The following NAV1 variants were observed in gnomAD, a reference collection of about 807,000 sequenced individuals.
NAV1 encodes pore membrane and/or filament interacting like protein 3.
NAV1 carries 18 observed loss-of-function variants against 175.2 expected under a neutral mutation model. The observed-to-expected ratio is 0.10, with a 90% CI of 0.07 to 0.15. The LOEUF is 0.15. Ranked by LOEUF, NAV1 falls within the 10% of genes least tolerant of loss-of-function variation. The pLI is 1.00. For missense variants in NAV1, 1,731 were observed against 2,436.6 expected, an observed-to-expected ratio of 0.71 and a Z score of 6.10; for synonymous variants, 897 against 978.7, an observed-to-expected ratio of 0.92 and a Z score of 1.56.
At chr1:201,604,724 G>GAGAA (rs371637628) in intron 2 of NAV1, among the ~76,000 whole-genome samples, 3,886 of 144,158 alleles carry the variant, frequency 0.027, 93 homozygotes, top group African/African-American at 0.056. Context: ...AGGAAAGAAA[G>GAGAA]AGAAAGAAAG....
intron 3 of NAV1, among the ~76,000 whole-genome samples, chr1:201,745,625 C>T (rs1357003735): frequency 6.6e-6 from 1 of 152,144 alleles, no homozygotes. Flanking sequence ...AGTGCCTGTC[C>T]TAAGTCAGTC....
chr1:201,778,953 A>G (rs374074893), intron 3 of NAV1, among the ~76,000 whole-genome samples: 20 of 152,300 alleles, frequency 1.3e-4, no homozygotes, highest in African/African-American at 4.3e-4. Context: ...AAACAAACCT[A>G]CTCTGCACAC....
In NAV1 at chr1:201,708,440, G is replaced by GCACACA. The variant is rs3053753; in HGVS notation, c.758-4358_758-4353dup. Among the ~76,000 whole-genome samples, 973 of 148,270 alleles carry GCACACA rather than the reference G, an allele frequency of 6.6e-3. 6 individuals are homozygous for GCACACA. The highest frequency in any genetic ancestry group is 0.011 in the Admixed American group (161 of 14,870). ...TTCCCCCCTCAAACCCTACTTGCGC[G>GCACACA]CACACACACACACACACACACACAT... On this transcript the variant is annotated intron_variant, in intron 1 of 29. Coordinates refer to ENST00000367296, the Ensembl canonical transcript of NAV1.
intron 2 of NAV1, among the ~76,000 whole-genome samples, chr1:201,602,245 C>G (rs759368853): frequency 1.1e-4 from 17 of 152,164 alleles, no homozygotes; most frequent in Admixed American, 1.3e-4. Context: ...TGTTTCTTCC[C>G]AGGGCAGGAG....
At chr1:201,639,064 T>A (rs1668680823) in intron 2 of NAV1, among the ~76,000 whole-genome samples, 1 of 152,154 alleles carries the variant, frequency 6.6e-6, no homozygotes. Flanking sequence ...GCTCTGAAGC[T>A]GGGCCTTGAG....
intron 2 of NAV1, among the ~76,000 whole-genome samples, chr1:201,601,767 C>A (rs181021638): frequency 6.6e-6 from 1 of 152,296 alleles, no homozygotes; most frequent in Non-Finnish European, 1.5e-5. Context: ...TTAAAAGCCA[C>A]CCAGTCTGCA....
At chr1:201,662,020 C>T (rs1669631008) in intron 1 of NAV1, among the ~76,000 whole-genome samples, 1 of 152,224 alleles carries the variant, frequency 6.6e-6, no homozygotes, top group South Asian at 2.1e-4. Flanking sequence ...AAGTAATTTC[C>T]CCAAGGTCAC....
intron 3 of NAV1, among the ~76,000 whole-genome samples, chr1:201,734,935 T>G (rs1673048029): frequency 6.6e-6 from 1 of 152,170 alleles, no homozygotes; most frequent in Admixed American, 6.5e-5. Flanking sequence ...GTCTACCCTC[T>G]CTCCTGCCCC....
chr1:201,765,960 G>C (rs1391141627), intron 3 of NAV1, among the ~76,000 whole-genome samples: 1 of 152,172 alleles, frequency 6.6e-6, no homozygotes, highest in East Asian at 1.9e-4. Flanking sequence ...ATAGTTCTGT[G>C]ATTGAAACTA....
intron 15 of NAV1, among the ~76,000 whole-genome samples, chr1:201,803,098 CCTT>C (rs1232023516): frequency 2.6e-5 from 4 of 152,194 alleles, no homozygotes; most frequent in Non-Finnish European, 2.9e-5. Flanking sequence ...CCATCACAAA[CCTT>C]CTCAGAAAGC....
chr1:201,648,367 T>C, exon 1 of NAV1: 1 of 1,216,650 alleles, frequency 8.2e-7, no homozygotes, highest in African/African-American at 1.6e-5. Context: ...TTTTAAATTT[T>C]AATTTGTATT....
At chr1:201,568,859 G>A (rs1666445423) in intron 1 of NAV1, among the ~76,000 whole-genome samples, 1 of 152,084 alleles carries the variant, frequency 6.6e-6, no homozygotes, top group South Asian at 2.1e-4. Flanking sequence ...AAGTTCAGAT[G>A]TGCCTCATGC....
At chr1:201,707,716 C>G (rs2102459165) in intron 1 of NAV1, among the ~76,000 whole-genome samples, 1 of 152,256 alleles carries the variant, frequency 6.6e-6, no homozygotes, top group East Asian at 1.9e-4. Flanking sequence ...CTGGGCTGTC[C>G]CTTAAATTAC....
At chr1:201,742,229 C>G (rs1673471160) in intron 3 of NAV1, among the ~76,000 whole-genome samples, 1 of 152,174 alleles carries the variant, frequency 6.6e-6, no homozygotes, top group Non-Finnish European at 1.5e-5. Flanking sequence ...TGATGTTAGG[C>G]TGAGGCCAGC....
chr1:201,611,408 G>A (rs144154364), intron 2 of NAV1, among the ~76,000 whole-genome samples: 219 of 152,306 alleles, frequency 1.4e-3, no homozygotes, highest in African/African-American at 5.1e-3. Context: ...TGGACAAGAA[G>A]GATAAACATT....
At chr1:201,548,834 A>G (rs1665743649) in intron 1 of NAV1, among the ~76,000 whole-genome samples, 1 of 152,230 alleles carries the variant, frequency 6.6e-6, no homozygotes, top group Admixed American at 6.5e-5. Flanking sequence ...CTCCTTTGGT[A>G]ATGATAGATA....
At chr1:201,620,451 C>CCCTTT (rs1668128956), upstream of NAV1, among the ~76,000 whole-genome samples, 1 of 118,846 alleles carries the variant, frequency 8.4e-6, no homozygotes, top group Admixed American at 7.6e-5. Context: ...GAGACATATA[C>CCCTTT]TCTTTTTTTT....
chr1:201,799,579 G>T (rs947000644), intron 15 of NAV1, among the ~76,000 whole-genome samples: 11 of 152,038 alleles, frequency 7.2e-5, no homozygotes, highest in Admixed American at 6.5e-4. Flanking sequence ...ACTACATAGG[G>T]TCAGGTGCGG....
In NAV1 at chr1:201,606,033, T is replaced by C. The variant is rs146707120; in HGVS notation, c.-32-16820T>C. 6.2e-3 allele frequency among the ~76,000 whole-genome samples: 943 copies of C among 152,272 alleles called. 7 individuals are homozygous for C. The highest frequency in any genetic ancestry group is 0.021 in the African/African-American group (880 of 41,546). On this transcript the variant is annotated intron_variant, in intron 2 of 33. Transcript: ENST00000685211. ...GATTTCCAGGTGCGTGGGCTTGTGT[T>C]CACAATGGGGACCCTGGCTCTTTCA... is the stretch of plus-strand genomic sequence containing the variant.
Sources: allele counts gnomAD v4.1 joint callset (sites outside exome capture counted in the v4.1 genomes callset), GRCh38; gene constraint gnomAD v4.1.1; transcripts MANE v1.5; gene names NCBI Gene and HGNC (gene_info 2026-07-23, HGNC 2026-07-21).